Variants in NMNAT2 observed in about 807,000 individuals in gnomAD.
NMNAT2 encodes nicotinamide/nicotinic acid mononucleotide adenylyltransferase 2.
NMNAT2 carries 11 observed loss-of-function variants against 41.6 expected under a neutral mutation model. The ratio of observed to expected loss-of-function variants is 0.26; its 90% CI spans 0.17 to 0.44. The LOEUF is 0.44. Among genes scored for constraint, NMNAT2 ranks in the 20% least tolerant of loss-of-function variants. The pLI is 1.00. For missense variants in NMNAT2, 288 were observed against 407.7 expected (o/e 0.71, Z 2.53); for synonymous variants, 148 against 151.2 (o/e 0.98, Z 0.16).
At chr1:183,308,273 C>T (rs748953109) in intron 1 of NMNAT2, among the ~76,000 whole-genome samples, 2 of 152,150 alleles carry the variant, frequency 1.3e-5, no homozygotes, top group Non-Finnish European at 2.9e-5. Flanking sequence ...CTGTGTATCA[C>T]TTAAAGCAAA....
intron 1 of NMNAT2, among the ~76,000 whole-genome samples, chr1:183,294,547 C>T (rs1055406021): frequency 6.6e-6 from 1 of 152,160 alleles, no homozygotes; most frequent in Non-Finnish European, 1.5e-5. Flanking sequence ...AATCCCAGTA[C>T]TTTGGGAGGC....
At chr1:183,402,724 C>T (rs1266656419) in intron 1 of NMNAT2, among the ~76,000 whole-genome samples, 1 of 152,168 alleles carries the variant, frequency 6.6e-6, no homozygotes, top group Non-Finnish European at 1.5e-5. Context: ...ACTGCTGCTC[C>T]CCCCTCCACT....
At chr1:183,348,618 A>G (rs1447497802) in intron 1 of NMNAT2, among the ~76,000 whole-genome samples, 1 of 152,168 alleles carries the variant, frequency 6.6e-6, no homozygotes, top group African/African-American at 2.4e-5. Flanking sequence ...GTGTTTGGAG[A>G]TTTGCTGGAA....
At chr1:183,324,945 T>C (rs1338167448) in intron 1 of NMNAT2, among the ~76,000 whole-genome samples, 1 of 152,224 alleles carries the variant, frequency 6.6e-6, no homozygotes, top group East Asian at 1.9e-4. Flanking sequence ...AATGGATCTC[T>C]GGACTCCAAG....
intron 1 of NMNAT2, among the ~76,000 whole-genome samples, chr1:183,360,525 T>C (rs1663285621): frequency 6.6e-6 from 1 of 152,180 alleles, no homozygotes; most frequent in South Asian, 2.1e-4. Context: ...AAGACCCCAC[T>C]TGGAGGCCCC....
At chr1:183,394,839 G>A (rs1271273443) in intron 1 of NMNAT2, among the ~76,000 whole-genome samples, 1 of 152,142 alleles carries the variant, frequency 6.6e-6, no homozygotes, top group African/African-American at 2.4e-5. Flanking sequence ...AGCCACCAGT[G>A]GTTACAAAAA....
chr1:183,314,859 A>G lies in NMNAT2; in HGVS notation c.86-21066T>C, dbSNP rs193258568. On this transcript the variant is annotated intron_variant, in intron 1 of 10. Coordinates refer to ENST00000287713, the MANE Select transcript of NMNAT2 (RefSeq NM_015039.4). ...GCACCACTGCACTCAGGCCTGGGCA[A>G]CAAAGTGAGACTCCATCTTTAAAGA... Among the ~76,000 whole-genome samples the G allele has an allele frequency of 6.5e-3, 984 of 152,344 alleles. 15 individuals are homozygous for G. The highest frequency in any genetic ancestry group is 7.0e-3 in the Non-Finnish European group (478 of 68,026).
At chr1:183,329,525 T>C (rs1438801061) in intron 1 of NMNAT2, among the ~76,000 whole-genome samples, 1 of 152,154 alleles carries the variant, frequency 6.6e-6, no homozygotes, top group East Asian at 1.9e-4. Flanking sequence ...GAATAGCTTT[T>C]AGCAATTTCT....
At chr1:183,272,388 A>G (rs1023544770) in intron 8 of NMNAT2, among the ~76,000 whole-genome samples, 2 of 152,158 alleles carry the variant, frequency 1.3e-5, no homozygotes, top group Non-Finnish European at 1.5e-5. Flanking sequence ...AGAAGTCTGG[A>G]TCTTGATTTC....
chr1:183,315,073 A>C (rs1387752365), intron 1 of NMNAT2, among the ~76,000 whole-genome samples: 1 of 152,242 alleles, frequency 6.6e-6, no homozygotes, highest in African/African-American at 2.4e-5. Context: ...TCAAAAGTTT[A>C]ACACCCCATC....
chr1:183,397,750 A>G (rs1255212981), intron 1 of NMNAT2, among the ~76,000 whole-genome samples: 1 of 152,220 alleles, frequency 6.6e-6, no homozygotes, highest in African/African-American at 2.4e-5. Flanking sequence ...AGTGGGGGCC[A>G]ATATTCAACA....
intron 8 of NMNAT2, among the ~76,000 whole-genome samples, chr1:183,265,498 C>T (rs531654100): frequency 6.6e-6 from 1 of 152,054 alleles, no homozygotes; most frequent in African/African-American, 2.4e-5. Flanking sequence ...AACTCCTGAC[C>T]TCATGATCCA....
intron 1 of NMNAT2, among the ~76,000 whole-genome samples, chr1:183,307,049 C>T (rs1662009338): frequency 6.6e-6 from 1 of 151,992 alleles, no homozygotes; most frequent in African/African-American, 2.4e-5. Flanking sequence ...AACTCAAAAA[C>T]TCTTTGAAAA....
intron 1 of NMNAT2, among the ~76,000 whole-genome samples, chr1:183,409,835 A>G (rs1241749259): frequency 6.6e-6 from 1 of 152,208 alleles, no homozygotes; most frequent in Non-Finnish European, 1.5e-5. Flanking sequence ...TTGAGCAACA[A>G]GGGCATTCCA....
Position 183,254,273 on chromosome 1 carries a change from G to A in NMNAT2, c.822-1530C>T, listed in dbSNP as rs12043964. 2.1e-3 allele frequency among the ~76,000 whole-genome samples: 321 copies of A among 152,204 alleles called. 6 individuals are homozygous for A. In the East Asian group the frequency reaches 0.052, roughly 25 times the overall value. On this transcript the variant is annotated intron_variant, in intron 10 of 10. Coordinates refer to ENST00000287713, the MANE Select transcript of NMNAT2 (RefSeq NM_015039.4). ...GTTATCTCTTATCTTTTTGATAATA[G>A]CTATTCTAATAGGTGTGAGGTAGAA...
At chr1:183,391,105 CT>C (rs1213200426) in intron 1 of NMNAT2, among the ~76,000 whole-genome samples, 1 of 152,172 alleles carries the variant, frequency 6.6e-6, no homozygotes, top group East Asian at 1.9e-4. Context: ...TGCCAAAGGC[CT>C]TGGAGAAATG....
chr1:183,286,448 A>G (rs1017226894), intron 5 of NMNAT2, among the ~76,000 whole-genome samples: 1 of 152,100 alleles, frequency 6.6e-6, no homozygotes, highest in Non-Finnish European at 1.5e-5. Context: ...CCTCTCTCTG[A>G]TTGTGACTGG....
rs187372798 is a variant in NMNAT2, at chr1:183,400,596, G to A, written c.85+17587C>T. ...CTCATATGGAAGCAAAAAAGAGCCC[G>A]CATTGCCAAGACAATCCTAAGCCAA... On this transcript the variant is annotated intron_variant, in intron 1 of 10. Transcript: ENST00000287713. Among the ~76,000 whole-genome samples, 279 of 152,204 alleles carry A rather than the reference G, an allele frequency of 1.8e-3. 2 individuals are homozygous for A. Among genetic ancestry groups the A allele is most frequent in the African/African-American group, 5.4e-3 (223 of 41,532 alleles).
Position 183,370,226 on chromosome 1 carries a change from A to G in NMNAT2, c.85+47957T>C, listed in dbSNP as rs1326634658. On this transcript the variant is annotated intron_variant, in intron 1 of 10. Coordinates refer to ENST00000287713, the MANE Select transcript of NMNAT2 (RefSeq NM_015039.4). ...TCCTACCACTACTATCAACACATAC[A>G]CACACACACACACACACACACACAC... Among the ~76,000 whole-genome samples the G allele has an allele frequency of 2.1e-4, 12 of 57,344 alleles. No homozygotes were observed. The East Asian group carries it at 2.5e-3, about 12-fold the overall frequency. 37.6% of individuals were successfully genotyped at this position (57,344 alleles called of 152,430 possible).
Sources: gnomAD v4.1 joint callset for allele counts (sites outside exome capture counted in the v4.1 genomes callset) on GRCh38, gnomAD v4.1.1 for gene constraint, MANE v1.5 for transcripts, NCBI Gene and HGNC (gene_info 2026-07-23, HGNC 2026-07-21) for gene names.